Variants in SBF2 observed in about 807,000 individuals in gnomAD.
The protein encoded by SBF2 is myotubularin-related protein 13.
SBF2 carries 112 observed loss-of-function variants against 225.2 expected under a neutral mutation model. The observed-to-expected ratio is 0.50, with a 90% CI of 0.43 to 0.58. The LOEUF (loss-of-function observed/expected upper bound fraction) is 0.58, where lower values mean the gene tolerates loss of function less well. Ranked by LOEUF, SBF2 falls within the 20% of genes least tolerant of loss-of-function variation. The probability of loss-of-function intolerance (pLI) is 0.00; values close to 1 mark genes in which losing one functional copy is unlikely to be tolerated. For synonymous variants in SBF2, 763 were observed against 773.3 expected (o/e 0.99, Z 0.22); for missense variants, 1,996 against 2,206.2 (o/e 0.90, Z 1.91).
intron 1 of SBF2, among the ~76,000 whole-genome samples, chr11:10,216,937 T>A (rs1293169277): frequency 6.6e-6 from 1 of 151,956 alleles, no homozygotes; most frequent in Non-Finnish European, 1.5e-5. Context: ...AAAATGCAAA[T>A]ATTTAAATGA....
At chr11:10,169,332 G>A (rs971016649) in intron 2 of SBF2, among the ~76,000 whole-genome samples, 4 of 151,692 alleles carry the variant, frequency 2.6e-5, no homozygotes, top group African/African-American at 7.3e-5. Flanking sequence ...CCTCTCCCCC[G>A]CCACACTACC....
chr11:10,299,626 G>T (rs531991856), intron 1 of SBF2, among the ~76,000 whole-genome samples: 2 of 152,132 alleles, frequency 1.3e-5, no homozygotes, highest in Non-Finnish European at 2.9e-5. Context: ...CCAAGTGTGG[G>T]CTCTTCTGAG....
chr11:9,931,318 C>A (rs375250291), intron 16 of SBF2, among the ~76,000 whole-genome samples: 6 of 152,210 alleles, frequency 3.9e-5, no homozygotes, highest in African/African-American at 1.4e-4. Flanking sequence ...GGTCCCTGAC[C>A]CCTGTGTAGT....
intron 24 of SBF2, chr11:9,843,676 T>C (rs1856331782): frequency 6.6e-6 from 1 of 152,222 alleles, no homozygotes; most frequent in Non-Finnish European, 1.5e-5. Flanking sequence ...CCAGACTCCA[T>C]CTTTAGTTAT....
intron 2 of SBF2, among the ~76,000 whole-genome samples, chr11:10,079,230 A>G (rs909872655): frequency 6.6e-6 from 1 of 152,220 alleles, no homozygotes; most frequent in Non-Finnish European, 1.5e-5. Context: ...AAGAAATCTC[A>G]CAACAATGTA....
intron 14 of SBF2, among the ~76,000 whole-genome samples, chr11:9,965,900 G>C (rs1866876686): frequency 6.6e-6 from 1 of 152,074 alleles, no homozygotes; most frequent in African/African-American, 2.4e-5. Flanking sequence ...CACACACATA[G>C]GTTGGTGGCA....
intron 29 of SBF2, 95 bp downstream of exon 29, chr11:9,816,745 A>T: frequency 8.2e-7 from 1 of 1,215,358 alleles, no homozygotes. Flanking sequence ...ATCATGCTGT[A>T]AAAAAAATTC....
chr11:10,256,800 G>A (rs1043660270), intron 1 of SBF2, among the ~76,000 whole-genome samples: 4 of 152,084 alleles, frequency 2.6e-5, no homozygotes, highest in Non-Finnish European at 5.9e-5. Context: ...CCTGGAAAAC[G>A]TAATAGCATC....
Position 9,895,852 on chromosome 11 carries a change from G to A in SBF2, c.1929+91C>T, listed in dbSNP as rs143589595. 313 of 936,298 alleles carry A rather than the reference G, an allele frequency of 3.3e-4. No individual in the cohort carries two copies. The African/African-American group carries it at 4.3e-3, about 13-fold the overall frequency. 58.0% of individuals were successfully genotyped at this position (936,298 alleles called of 1,614,324 possible). A position where few individuals can be genotyped will look rare whatever the true frequency, so the allele number is the denominator to read the frequency against. ...ATATATCTTAGGCATGCTACTAAGAGGACAGGATTTTCATGTAGTTCCATA... is the reference window on the plus strand; with the variant it reads ...ATATATCTTAGGCATGCTACTAAGAAGACAGGATTTTCATGTAGTTCCATA... On this transcript the variant is annotated intron_variant, in intron 17 of 39. Coordinates refer to ENST00000256190, the MANE Select transcript of SBF2 (RefSeq NM_030962.4).
chr11:9,900,197 A>C (rs1274244385), intron 16 of SBF2, among the ~76,000 whole-genome samples: 7 of 152,206 alleles, frequency 4.6e-5, no homozygotes, highest in African/African-American at 1.7e-4. Context: ...GATCATCAAA[A>C]ATCCTATGAA....
In SBF2 at chr11:10,294,045, T is replaced by G; in HGVS notation, c.25A>C (p.Ile9Leu). The change falls in exon 1 of 40, where the codon ATC (isoleucine) becomes CTC (leucine). Residue 9 changes from isoleucine to leucine, a missense_variant. By Grantham distance (5) the Ile-to-Leu change is conservative. Coordinates refer to ENST00000256190, the MANE Select transcript of SBF2 (RefSeq NM_030962.4). Reference protein sequence around the residue: MARLADYFIVVGYDHEKPG... With the variant: MARLADYFLVVGYDHEKPG... ...TTCTCGTGGTCATAGCCTACCACGA[T>G]GAAGTAGTCAGCCAGCCGGGCCATG... The G allele has an allele frequency of 7.1e-7, 1 of 1,402,282 alleles. No individual in the cohort carries two copies. Among genetic ancestry groups the G allele is most frequent in the East Asian group, 3.1e-5 (1 of 31,818 alleles). 86.9% of individuals were successfully genotyped at this position (1,402,282 alleles called of 1,614,324 possible).
In SBF2 at chr11:9,846,909, T is replaced by G. The variant is rs781781738; in HGVS notation, c.2934+47A>C. ...CAAAATGGCCATAATATCATTTGAC[T>G]TTTGAAAATTTTTGAATAGTAAAAC... On this transcript the variant is annotated intron_variant, in intron 23 of 39. Transcript: ENST00000256190. 1.3e-5 allele frequency: 21 copies of G among 1,610,880 alleles called. No homozygotes were observed. The East Asian group carries it at 3.3e-4, about 26-fold the overall frequency.
Position 9,850,277 on chromosome 11 carries a change from A to G in SBF2, c.2611-59T>C. ...TTGACTAATTGATTGATTTTTGGAG[A>G]CAGGGTCTTGCTCTGTTGCCCAGCC... is the stretch of plus-strand genomic sequence containing the variant. On this transcript the variant is annotated intron_variant, in intron 21 of 39. Transcript: ENST00000256190. 4.6e-6 allele frequency: 7 copies of G among 1,531,190 alleles called. No individual in the cohort carries two copies. The South Asian group carries it at 7.9e-5, about 17-fold the overall frequency. 94.9% of individuals were successfully genotyped at this position (1,531,190 alleles called of 1,614,324 possible).
At chr11:10,038,766 A>T (rs1028202047) in intron 3 of SBF2, among the ~76,000 whole-genome samples, 3 of 151,888 alleles carry the variant, frequency 2.0e-5, no homozygotes, top group Admixed American at 1.3e-4. Context: ...ATGACACACC[A>T]AATGTTCTCA....
In SBF2 at chr11:10,278,688, CAGG is replaced by C. The variant is rs771519594; in HGVS notation, c.55+15324_55+15326del. On this transcript the variant is annotated intron_variant, in intron 1 of 39. Transcript: ENST00000256190. ...ATCCCAGCTACTTGGGAGGTTGAGG[CAGG>C]AGAATAGCTTGAATCGGGGAGGCAG... is the stretch of plus-strand genomic sequence containing the variant. 9.5e-4 allele frequency among the ~76,000 whole-genome samples: 144 copies of C among 151,224 alleles called. 1 individual carries two copies. The highest frequency in any genetic ancestry group is 1.6e-3 in the Non-Finnish European group (108 of 67,900).
At chr11:9,931,514 C>A (rs1864497668) in intron 16 of SBF2, among the ~76,000 whole-genome samples, 1 of 152,170 alleles carries the variant, frequency 6.6e-6, no homozygotes, top group Admixed American at 6.5e-5. Context: ...CCAGCAAACT[C>A]CAACACACCT....
intron 16 of SBF2, among the ~76,000 whole-genome samples, chr11:9,918,014 C>T (rs1046907011): frequency 1.3e-5 from 2 of 151,662 alleles, no homozygotes; most frequent in African/African-American, 4.9e-5. Flanking sequence ...CACATATGAA[C>T]TTGATGCCTG....
At chr11:10,116,087 T>G (rs1468823750) in intron 2 of SBF2, among the ~76,000 whole-genome samples, 1 of 152,072 alleles carries the variant, frequency 6.6e-6, no homozygotes, top group Non-Finnish European at 1.5e-5. Flanking sequence ...GAGAATGGTG[T>G]GAACCTGGGA....
intron 20 of SBF2, among the ~76,000 whole-genome samples, chr11:9,853,302 T>C (rs903725472): frequency 6.6e-6 from 1 of 152,178 alleles, no homozygotes; most frequent in African/African-American, 2.4e-5. Context: ...GTTTTAGAAA[T>C]AGATAACAGT....
Sources: allele counts gnomAD v4.1 joint callset (sites outside exome capture counted in the v4.1 genomes callset), GRCh38; gene constraint gnomAD v4.1.1; transcripts MANE v1.5; gene names NCBI Gene and HGNC (gene_info 2026-07-23, HGNC 2026-07-21).